The following VDR variants were observed in gnomAD, a reference collection of about 807,000 sequenced individuals.
VDR encodes vitamin D3 receptor.
A neutral mutation model predicts 39.7 loss-of-function variants in VDR; 19 were observed. The ratio of observed to expected loss-of-function variants is 0.48; its 90% CI spans 0.33 to 0.70. The LOEUF (loss-of-function observed/expected upper bound fraction) is 0.70, where lower values mean the gene tolerates loss of function less well. VDR is among the 30% of genes least tolerant of loss of function. The probability of loss-of-function intolerance (pLI) is 0.02; values close to 1 mark genes in which losing one functional copy is unlikely to be tolerated. For missense variants in VDR, 442 were observed against 570.5 expected, an observed-to-expected ratio of 0.77 and a Z score of 2.29; for synonymous variants, 242 against 215.8, an observed-to-expected ratio of 1.12 and a Z score of -1.07.
intron 7 of VDR, among the ~76,000 whole-genome samples, chr12:47,849,173 A>G (rs1229586146): frequency 6.6e-6 from 1 of 152,206 alleles, no homozygotes; most frequent in Non-Finnish European, 1.5e-5. Context: ...CAATGGCTGC[A>G]TGTTTATATA....
At chr12:47,857,052 C>A in intron 6 of VDR, 77 bp downstream of exon 6, 1 of 1,604,734 alleles carries the variant, frequency 6.2e-7, no homozygotes, top group Non-Finnish European at 8.5e-7. Context: ...CTCCTTCCAT[C>A]CAGCAGCCCC....
intron 3 of VDR, among the ~76,000 whole-genome samples, chr12:47,867,409 TTG>T (rs10559544): frequency 0.78 from 117,105 of 150,856 alleles, 45,598 homozygotes; most frequent in East Asian, 0.95. Flanking sequence ...CCTATGTAAG[TTG>T]TGTGTGTGTG....
At chr12:47,899,454 C>G (rs1946520299) in intron 1 of VDR, among the ~76,000 whole-genome samples, 2 of 152,224 alleles carry the variant, frequency 1.3e-5, no homozygotes. Context: ...GGTAAGGACA[C>G]TGAGATTTGG....
intron 2 of VDR, among the ~76,000 whole-genome samples, chr12:47,880,517 T>C (rs1946124785): frequency 6.6e-6 from 1 of 152,070 alleles, no homozygotes; most frequent in African/African-American, 2.4e-5. Context: ...ACAAATACTT[T>C]CTAAAAATTC....
rs187044757 is a variant in VDR at position 47,889,541 on chromosome 12, T to A, written c.-83-6767A>T. Among the ~76,000 whole-genome samples, 17 of 152,280 alleles carry A rather than the reference T, an allele frequency of 1.1e-4. No homozygotes were observed. The East Asian group carries it at 2.3e-3, about 21-fold the overall frequency. On this transcript the variant is annotated intron_variant, in intron 1 of 9. Coordinates refer to ENST00000549336, the MANE Select transcript of VDR (RefSeq NM_000376.3). ...ATGAACAAGAACTCAAGACAGGGAG[T>A]ACTTTAGAGGAAAGTGGGATACGCC... is the stretch of plus-strand genomic sequence containing the variant.
rs992688178 is a variant in VDR at position 47,842,575 on chromosome 12, A to C, written c.*2171T>G. The C allele has an allele frequency of 2.0e-5, 3 of 151,062 alleles. No individual in the cohort carries two copies. The highest frequency in any genetic ancestry group is 7.3e-5 in the African/African-American group (3 of 40,976). 9.4% of individuals were successfully genotyped at this position (151,062 alleles called of 1,614,324 possible). A position where few individuals can be genotyped will look rare whatever the true frequency, so the allele number is the denominator to read the frequency against. ...CTCCTGGGTTCAATTCTTCTGCCTC[A>C]GCCTCCTGAGTAGCTGGGATTACAG... On this transcript the variant is annotated 3_prime_UTR_variant, in exon 10 of 10. Coordinates refer to ENST00000549336, the MANE Select transcript of VDR (RefSeq NM_000376.3).
chr12:47,904,070 C>T (rs1258321157), intron 1 of VDR, among the ~76,000 whole-genome samples: 1 of 150,898 alleles, frequency 6.6e-6, no homozygotes, highest in Non-Finnish European at 1.5e-5. Context: ...GGCTGACTCA[C>T]TCACCGCACG....
chr12:47,882,544 GCA>G, intron 2 of VDR, 148 bp downstream of exon 2: 1 of 664,560 alleles, frequency 1.5e-6, no homozygotes, highest in Non-Finnish European at 2.6e-6. Flanking sequence ...CATCTCAGTT[GCA>G]GACTCTGCTG....
intron 4 of VDR, among the ~76,000 whole-genome samples, chr12:47,859,842 CT>C (rs1565614914): frequency 5.3e-5 from 4 of 75,600 alleles, no homozygotes; most frequent in East Asian, 5.8e-4. Context: ...CTTCCTTTCC[CT>C]TCCTTCCTTC....
chr12:47,876,156 T>C (rs567883741), intron 3 of VDR, among the ~76,000 whole-genome samples: 88 of 152,332 alleles, frequency 5.8e-4, no homozygotes, highest in Non-Finnish European at 1.1e-3. Flanking sequence ...AAGTATTGAT[T>C]TTGGTAAATT....
chr12:47,873,351 CTTTTTTTTTTTTTT>C (rs71077177), intron 3 of VDR, among the ~76,000 whole-genome samples: 2 of 98,424 alleles, frequency 2.0e-5, no homozygotes, highest in African/African-American at 8.4e-5. Flanking sequence ...AACCTGTTTT[CTTTTTTTTTTTTTT>C]TTTTTTTTTT....
At chr12:47,868,569 TC>T (rs1000514615) in intron 3 of VDR, among the ~76,000 whole-genome samples, 3 of 152,178 alleles carry the variant, frequency 2.0e-5, no homozygotes, top group Admixed American at 2.0e-4. Context: ...CTGTTAGGGT[TC>T]CCCAGAAACG....
At chr12:47,869,444 G>A (rs926262762) in intron 3 of VDR, among the ~76,000 whole-genome samples, 1 of 148,078 alleles carries the variant, frequency 6.8e-6, no homozygotes, top group South Asian at 2.2e-4. Flanking sequence ...GCTGAGGCAG[G>A]AGAATGGCGT....
At chr12:47,895,291 T>G (rs1946444368) in intron 1 of VDR, among the ~76,000 whole-genome samples, 1 of 152,228 alleles carries the variant, frequency 6.6e-6, no homozygotes, top group Non-Finnish European at 1.5e-5. Flanking sequence ...CTCCTTTTTT[T>G]TGTGCCTTAA....
At chr12:47,859,927 CT>C (rs1592110803) in intron 4 of VDR, among the ~76,000 whole-genome samples, 5 of 65,430 alleles carry the variant, frequency 7.6e-5, no homozygotes, top group African/African-American at 2.6e-4. Flanking sequence ...CTTTCTTTTT[CT>C]TTCTTTCTTT....
chr12:47,882,623 G>GCCCCCGCCCCCCCC, intron 2 of VDR, 71 bp downstream of exon 2: 1 of 543,282 alleles, frequency 1.8e-6, no homozygotes, highest in Non-Finnish European at 3.2e-6. Context: ...ACCTTCTTAT[G>GCCCCCGCCCCCCCC]CCCCTCCCCC....
At chr12:47,890,564 T>A (rs1262496628) in intron 1 of VDR, among the ~76,000 whole-genome samples, 1 of 152,088 alleles carries the variant, frequency 6.6e-6, no homozygotes, top group Non-Finnish European at 1.5e-5. Flanking sequence ...AGCAGAGGAC[T>A]GGCTCCTGGG....
At chr12:47,851,988 C>T (rs187357349) in intron 7 of VDR, among the ~76,000 whole-genome samples, 23 of 152,254 alleles carry the variant, frequency 1.5e-4, no homozygotes, top group Admixed American at 1.4e-3. Flanking sequence ...AACTTAACCT[C>T]GGGAAGAGAA....
chr12:47,893,852 C>G (rs1225927648), intron 1 of VDR, among the ~76,000 whole-genome samples: 1 of 152,260 alleles, frequency 6.6e-6, no homozygotes, highest in Non-Finnish European at 1.5e-5. Context: ...AGTCCATATC[C>G]TGAGTCTGGC....
Sources: gnomAD v4.1 joint callset for allele counts (sites outside exome capture counted in the v4.1 genomes callset) on GRCh38, gnomAD v4.1.1 for gene constraint, MANE v1.5 for transcripts, NCBI Gene and HGNC (gene_info 2026-07-23, HGNC 2026-07-21) for gene names.